Variants in ZMAT4 observed in about 807,000 individuals in gnomAD.
ZMAT4 encodes the protein zinc finger matrin-type protein 4.
ZMAT4 carries 17 observed loss-of-function variants against 28.7 expected under a neutral mutation model. The ratio of observed to expected loss-of-function variants is 0.59; its 90% CI spans 0.41 to 0.89. ZMAT4 has a LOEUF of 0.89. Among genes scored for constraint, ZMAT4 ranks in the 40% least tolerant of loss-of-function variants. ZMAT4 has a pLI of 0.00. For synonymous variants in ZMAT4, 117 were observed against 109.2 expected, an observed-to-expected ratio of 1.07 and a Z score of -0.44; for missense variants, 240 against 283.8, an observed-to-expected ratio of 0.85 and a Z score of 1.11.
intron 3 of ZMAT4, among the ~76,000 whole-genome samples, chr8:40,764,307 C>T (rs1320005494): frequency 6.6e-6 from 1 of 152,090 alleles, no homozygotes; most frequent in African/African-American, 2.4e-5. Context: ...AAGATAAAAG[C>T]ATGTGAAGAG....
chr8:40,598,359 C>A (rs1287585286), intron 5 of ZMAT4, among the ~76,000 whole-genome samples: 1 of 152,132 alleles, frequency 6.6e-6, no homozygotes, highest in African/African-American at 2.4e-5. Context: ...GCTCTCGCTT[C>A]CCTCACCCCC....
intron 1 of ZMAT4, among the ~76,000 whole-genome samples, chr8:40,847,875 T>A (rs1816965194): frequency 6.6e-6 from 1 of 152,110 alleles, no homozygotes; most frequent in African/African-American, 2.4e-5. Flanking sequence ...AACCCTGAGG[T>A]CAGCCTTTCT....
In ZMAT4 at chr8:40,722,560, A is replaced by G. The variant is rs1321579240; in HGVS notation, c.193-25159T>C. 4.6e-5 allele frequency among the ~76,000 whole-genome samples: 7 copies of G among 152,338 alleles called. No homozygotes were observed. The East Asian group carries it at 1.3e-3, about 29-fold the overall frequency. ...AGAGCCCTAAGTGTGTCCTTAAGTA[A>G]ATTGCCATCAAATATGATAAAGTCA... On this transcript the variant is annotated intron_variant, in intron 3 of 6. Coordinates refer to ENST00000297737, the MANE Select transcript of ZMAT4 (RefSeq NM_024645.3).
At position 40,825,542 on chromosome 8, in the gene ZMAT4, A is replaced by G. The variant is rs989050056; in HGVS notation, c.102+33T>C. The G allele has an allele frequency of 3.2e-6, 5 of 1,539,018 alleles. No homozygotes were observed. In the Admixed American group the frequency reaches 7.9e-5, roughly 24 times the overall value. ...AATGACCCGGGCTGCTCCCTCCTACATTTGCAAACAGAGTGGGAAACGCTG... is the reference window on the plus strand; with the variant it reads ...AATGACCCGGGCTGCTCCCTCCTACGTTTGCAAACAGAGTGGGAAACGCTG... On this transcript the variant is annotated intron_variant, in intron 2 of 6. Transcript: ENST00000297737.
intron 5 of ZMAT4, among the ~76,000 whole-genome samples, chr8:40,673,341 A>C (rs1226823959): frequency 6.6e-6 from 1 of 152,186 alleles, no homozygotes; most frequent in African/African-American, 2.4e-5. Flanking sequence ...TTTTGTCTAG[A>C]AATGTTCCAA....
chr8:40,550,116 C>T (rs1243142656), intron 6 of ZMAT4, among the ~76,000 whole-genome samples: 1 of 152,104 alleles, frequency 6.6e-6, no homozygotes, highest in African/African-American at 2.4e-5. Flanking sequence ...AAGGTTCCAA[C>T]TCCTGAGTTG....
intron 2 of ZMAT4, among the ~76,000 whole-genome samples, chr8:40,774,170 C>T (rs1162666757): frequency 6.6e-6 from 1 of 152,040 alleles, no homozygotes; most frequent in Non-Finnish European, 1.5e-5. Flanking sequence ...TCTTTGAGAT[C>T]AGAAGTGTCC....
chr8:40,808,632 G>A (rs983272324), intron 2 of ZMAT4: 18 of 451,572 alleles, frequency 4.0e-5, no homozygotes, highest in African/African-American at 1.0e-4. Context: ...GTGAGCTCCC[G>A]TTACATGGTC....
rs139496086 is a variant in ZMAT4, at chr8:40,877,825, T to C, written c.-5+19858A>G. 5.0e-4 allele frequency among the ~76,000 whole-genome samples: 76 copies of C among 152,222 alleles called. No homozygotes were observed. In the East Asian group the frequency reaches 9.5e-3, roughly 19 times the overall value. ...CATCACACCAGCATTATAGCTGCTG[T>C]TTGGAACTATTTATAGAGCTGGCCA... On this transcript the variant is annotated intron_variant, in intron 1 of 6. Coordinates refer to ENST00000297737, the MANE Select transcript of ZMAT4 (RefSeq NM_024645.3).
At chr8:40,558,190 T>A (rs914671410) in intron 6 of ZMAT4, among the ~76,000 whole-genome samples, 1 of 152,070 alleles carries the variant, frequency 6.6e-6, no homozygotes, top group Non-Finnish European at 1.5e-5. Flanking sequence ...TAGGTTGATA[T>A]TGGATTACAC....
chr8:40,761,449 T>C (rs1194756608), intron 3 of ZMAT4, among the ~76,000 whole-genome samples: 4 of 152,018 alleles, frequency 2.6e-5, no homozygotes, highest in African/African-American at 9.7e-5. Flanking sequence ...CGCCCCGTCA[T>C]GGTACAAATC....
intron 6 of ZMAT4, among the ~76,000 whole-genome samples, chr8:40,556,470 C>T (rs1469118372): frequency 6.6e-6 from 1 of 152,094 alleles, no homozygotes; most frequent in African/African-American, 2.4e-5. Context: ...TTACTCATCC[C>T]TCTCTCCAAC....
chr8:40,784,852 C>A (rs1162843854), intron 2 of ZMAT4, among the ~76,000 whole-genome samples: 1 of 152,144 alleles, frequency 6.6e-6, no homozygotes, highest in Non-Finnish European at 1.5e-5. Flanking sequence ...GTACATAAGT[C>A]AGTAAATAAT....
chr8:40,854,634 T>C (rs528166623), intron 1 of ZMAT4, among the ~76,000 whole-genome samples: 3 of 152,176 alleles, frequency 2.0e-5, no homozygotes, highest in Non-Finnish European at 4.4e-5. Flanking sequence ...CTCCTGAGAA[T>C]GGTCCCCTGA....
chr8:40,679,330 G>A (rs972082040), intron 4 of ZMAT4, among the ~76,000 whole-genome samples: 1 of 152,040 alleles, frequency 6.6e-6, no homozygotes, highest in Admixed American at 6.6e-5. Context: ...AAATATTTCT[G>A]CAGCTCCTGT....
intron 3 of ZMAT4, among the ~76,000 whole-genome samples, chr8:40,720,182 A>G (rs1488725709): frequency 6.6e-6 from 1 of 152,232 alleles, no homozygotes; most frequent in Non-Finnish European, 1.5e-5. Context: ...CAACATGGTC[A>G]TGATTCATGA....
At chr8:40,594,182 A>G (rs4736872) in intron 5 of ZMAT4, among the ~76,000 whole-genome samples, 24,614 of 152,024 alleles carry the variant, frequency 0.16, 2,920 homozygotes, top group East Asian at 0.57. Context: ...ACTTTCATGG[A>G]AGATTTTCGT....
chr8:40,765,188 A>T (rs2150559524), intron 3 of ZMAT4, among the ~76,000 whole-genome samples: 1 of 152,232 alleles, frequency 6.6e-6, no homozygotes, highest in South Asian at 2.1e-4. Context: ...AATGCCCAAA[A>T]ATAAGACACC....
chr8:40,845,299 T>C (rs1302958190), intron 1 of ZMAT4, among the ~76,000 whole-genome samples: 1 of 152,188 alleles, frequency 6.6e-6, no homozygotes, highest in Non-Finnish European at 1.5e-5. Flanking sequence ...TCTTCATTAT[T>C]ATTTTCAAAA....
Sources: gnomAD v4.1 joint callset for allele counts (sites outside exome capture counted in the v4.1 genomes callset) on GRCh38, gnomAD v4.1.1 for gene constraint, MANE v1.5 for transcripts, NCBI Gene and HGNC (gene_info 2026-07-23, HGNC 2026-07-21) for gene names.